Variants in FNDC3B observed in about 807,000 individuals in gnomAD.
FNDC3B encodes fibronectin type III domain-containing protein 3B.
A neutral mutation model predicts 151.5 loss-of-function variants in FNDC3B; 12 were observed. That is an observed-to-expected ratio of 0.08 (90% CI 0.05 to 0.13). The LOEUF is 0.13. Among genes scored for constraint, FNDC3B ranks in the 10% least tolerant of loss-of-function variants. The pLI is 1.00. For synonymous variants in FNDC3B, 528 were observed against 549.0 expected, an observed-to-expected ratio of 0.96 and a Z score of 0.54; for missense variants, 1,214 against 1,505.3, an observed-to-expected ratio of 0.81 and a Z score of 3.20.
At chr3:172,303,386 T>C (rs1291491835) in intron 9 of FNDC3B, among the ~76,000 whole-genome samples, 1 of 152,204 alleles carries the variant, frequency 6.6e-6, no homozygotes, top group African/African-American at 2.4e-5. Flanking sequence ...AATGAAACAT[T>C]TCCAAAAATA....
At chr3:172,382,918 T>G (rs1361888096) in intron 25 of FNDC3B, among the ~76,000 whole-genome samples, 1 of 152,224 alleles carries the variant, frequency 6.6e-6, no homozygotes, top group Non-Finnish European at 1.5e-5. Flanking sequence ...TCCAGCTTTG[T>G]TCTTTTTGCT....
chr3:172,230,091 A>C (rs1726808434), intron 4 of FNDC3B, among the ~76,000 whole-genome samples: 1 of 152,236 alleles, frequency 6.6e-6, no homozygotes, highest in South Asian at 2.1e-4. Context: ...TGGATTAGGT[A>C]ATGGATTTGT....
chr3:172,337,909 GTGCTGGGACTATA>G (rs1733070315), intron 16 of FNDC3B: 1 of 156,590 alleles, frequency 6.4e-6, no homozygotes, highest in African/African-American at 2.4e-5. Context: ...GCCTCCCAAA[GTGCTGGGACTATA>G]GACATGAATC....
At chr3:172,288,652 C>T (rs1471324295) in intron 7 of FNDC3B, among the ~76,000 whole-genome samples, 1 of 152,210 alleles carries the variant, frequency 6.6e-6, no homozygotes, top group Non-Finnish European at 1.5e-5. Flanking sequence ...CAAGTAGTTA[C>T]ACACTCCAGA....
chr3:172,366,990 A>G (rs1053613820), intron 23 of FNDC3B, among the ~76,000 whole-genome samples: 1 of 152,190 alleles, frequency 6.6e-6, no homozygotes. Context: ...TGTTTCATGT[A>G]AATAAAAGGG....
At chr3:172,079,609 G>C (rs145507026) in intron 1 of FNDC3B, among the ~76,000 whole-genome samples, 1 of 152,172 alleles carries the variant, frequency 6.6e-6, no homozygotes, top group Non-Finnish European at 1.5e-5. Context: ...GATAATTCCC[G>C]TATAGCCATA....
chr3:172,377,054 C>T (rs182985850), intron 23 of FNDC3B, among the ~76,000 whole-genome samples: 82 of 152,286 alleles, frequency 5.4e-4, no homozygotes, highest in African/African-American at 1.8e-3. Context: ...CTTTCAAATC[C>T]GCAGAGCCTA....
intron 4 of FNDC3B, among the ~76,000 whole-genome samples, chr3:172,230,504 A>AG (rs1011235259): frequency 2.0e-5 from 2 of 101,252 alleles, no homozygotes; most frequent in Non-Finnish European, 4.2e-5. Context: ...ACTCTGTCTC[A>AG]AAAAAAAAAA....
At chr3:172,150,923 A>T (rs1015330439) in intron 3 of FNDC3B, among the ~76,000 whole-genome samples, 3 of 151,860 alleles carry the variant, frequency 2.0e-5, no homozygotes, top group African/African-American at 4.9e-5. Flanking sequence ...GGTATTTTTT[A>T]AAAAATAACA....
At chr3:172,192,591 A>G (rs538056842) in intron 3 of FNDC3B, among the ~76,000 whole-genome samples, 35 of 152,236 alleles carry the variant, frequency 2.3e-4, no homozygotes, top group African/African-American at 8.4e-4. Flanking sequence ...ATTATAGCAG[A>G]GGCCAGGAAC....
chr3:172,235,574 G>C lies in FNDC3B; in HGVS notation c.264+8627G>C, dbSNP rs1037290081. Among the ~76,000 whole-genome samples, 4 of 152,220 alleles carry C rather than the reference G, an allele frequency of 2.6e-5. No individual in the cohort carries two copies. In the East Asian group the frequency reaches 7.7e-4, roughly 29 times the overall value. ...CTAATCTCATAATCTGAGTGGGATA[G>C]TACAGTAGTAGAAAGAGCAGGGGTC... On this transcript the variant is annotated intron_variant, in intron 4 of 25. Coordinates refer to ENST00000415807, the MANE Select transcript of FNDC3B (RefSeq NM_022763.4).
At chr3:172,229,355 C>G (rs1050439486) in intron 4 of FNDC3B, among the ~76,000 whole-genome samples, 5 of 152,166 alleles carry the variant, frequency 3.3e-5, no homozygotes, top group Non-Finnish European at 7.3e-5. Flanking sequence ...TCAAGAGGCA[C>G]CTTTACCTGT....
chr3:172,152,057 G>A (rs1362396113), intron 3 of FNDC3B, among the ~76,000 whole-genome samples: 1 of 152,198 alleles, frequency 6.6e-6, no homozygotes, highest in South Asian at 2.1e-4. Flanking sequence ...GCTCACTTTA[G>A]AGGGTCTGTC....
intron 1 of FNDC3B, among the ~76,000 whole-genome samples, chr3:172,058,850 A>G (rs543518829): frequency 1.3e-5 from 2 of 152,342 alleles, no homozygotes; most frequent in South Asian, 4.1e-4. Context: ...CTGTACATAT[A>G]GAGCTTCTTT....
intron 1 of FNDC3B, among the ~76,000 whole-genome samples, chr3:172,089,932 ACATAT>A (rs1718728184): frequency 6.6e-6 from 1 of 152,226 alleles, no homozygotes; most frequent in African/African-American, 2.4e-5. Flanking sequence ...TATGATTTCG[ACATAT>A]ATAATTCATT....
In FNDC3B at chr3:172,401,137, G is replaced by T. The variant is rs1736558062; in HGVS notation, c.*3662G>T. ...GGGGTTTCACCATGTTGGCCAAGAT[G>T]GTCTCGATCTGACCTCGTGATCTGC... On this transcript the variant is annotated 3_prime_UTR_variant, in exon 26 of 26. Transcript: ENST00000415807. The T allele has an allele frequency of 2.0e-5, 3 of 152,148 alleles. No individual in the cohort carries two copies. The highest frequency in any genetic ancestry group is 2.0e-4 in the Admixed American group (3 of 15,260). 9.4% of individuals were successfully genotyped at this position (152,148 alleles called of 1,614,324 possible). A position where few individuals can be genotyped will look rare whatever the true frequency, so the allele number is the denominator to read the frequency against.
In FNDC3B at chr3:172,307,366, G is replaced by A. The variant is rs781755635; in HGVS notation, c.1065G>A (p.Val355=). 2.5e-6 allele frequency: 4 copies of A among 1,614,094 alleles called. No individual in the cohort carries two copies. The highest frequency in any genetic ancestry group is 1.1e-5 in the South Asian group (1 of 91,072). The change falls in exon 10 of 26, where the codon GTG becomes GTA. Residue 355 remains valine (V), a synonymous_variant. Transcript: ENST00000415807. ...LRPATDYHVR[V]YAMYNSVKGS... The stretch of plus-strand genomic sequence containing the variant: ...ACTGTGTCTGTTTTGTTTTCAGGGT[G>A]TATGCCATGTACAATTCCGTAAAGG...
chr3:172,261,443 A>G lies in FNDC3B; in HGVS notation c.790+9902A>G, dbSNP rs79845839. Among the ~76,000 whole-genome samples, 114 of 152,290 alleles carry G rather than the reference A, an allele frequency of 7.5e-4. 1 individual carries two copies. Among genetic ancestry groups the G allele is most frequent in the African/African-American group, 2.7e-3 (111 of 41,560 alleles). On this transcript the variant is annotated intron_variant, in intron 6 of 25. Coordinates refer to ENST00000415807, the MANE Select transcript of FNDC3B (RefSeq NM_022763.4). ...GAACTTCTGGTTTTGTATGATCAGT[A>G]TTGTAATGTGATAATTATAGTCTAT... is the stretch of plus-strand genomic sequence containing the variant.
In FNDC3B at chr3:172,330,610, G is replaced by A; in HGVS notation, c.1449G>A (p.Leu483=). Residue 483 remains leucine, a synonymous_variant, in exon 13 of 26, where the codon CTG becomes CTA. Coordinates refer to ENST00000415807, the MANE Select transcript of FNDC3B (RefSeq NM_022763.4). The part of the protein sequence containing the change: ...NIPQMPSAPR[L]VRAGITWVTL... ...CTCAGATGCCTTCTGCACCAAGGCTGGTTCGAGCTGGCATCACATGGGTCA... is the reference window on the plus strand; with the variant it reads ...CTCAGATGCCTTCTGCACCAAGGCTAGTTCGAGCTGGCATCACATGGGTCA... 1 of 1,614,114 alleles carries A rather than the reference G, an allele frequency of 6.2e-7. No individual in the cohort carries two copies.
Sources: gnomAD v4.1 joint callset for allele counts (sites outside exome capture counted in the v4.1 genomes callset) on GRCh38, gnomAD v4.1.1 for gene constraint, MANE v1.5 for transcripts, NCBI Gene and HGNC (gene_info 2026-07-23, HGNC 2026-07-21) for gene names.